CCDC170: variants seen among roughly 807,000 people sequenced by gnomAD.
The protein encoded by CCDC170 is coiled-coil domain-containing protein 170.
A neutral mutation model predicts 72.6 loss-of-function variants in CCDC170; 69 were observed. That is an observed-to-expected ratio of 0.95 (90% CI 0.78 to 1.16). CCDC170 has a LOEUF of 1.16. Among genes scored for constraint, CCDC170 ranks in the 50% most tolerant of loss-of-function variants. The pLI is 0.00. For missense variants in CCDC170, 852 were observed against 832.5 expected, an observed-to-expected ratio of 1.02 and a Z score of -0.29; for synonymous variants, 300 against 303.9, an observed-to-expected ratio of 0.99 and a Z score of 0.13.
intron 6 of CCDC170, among the ~76,000 whole-genome samples, chr6:151,574,206 T>C (rs996598880): frequency 3.3e-5 from 5 of 152,224 alleles, no homozygotes; most frequent in African/African-American, 1.2e-4. Context: ...GAGCAAATCC[T>C]GTCTCTAAAA....
intron 4 of CCDC170, among the ~76,000 whole-genome samples, chr6:151,546,575 C>T (rs1782775010): frequency 6.6e-6 from 1 of 152,124 alleles, no homozygotes; most frequent in African/African-American, 2.4e-5. Flanking sequence ...TCCCCAGCCA[C>T]CTCCTACAAC....
intron 9 of CCDC170, among the ~76,000 whole-genome samples, chr6:151,611,645 T>C (rs998540972): frequency 4.6e-5 from 7 of 152,126 alleles, no homozygotes; most frequent in African/African-American, 1.7e-4. Flanking sequence ...ACACAAACAT[T>C]CAGACTGTAG....
chr6:151,549,388 A>T (rs1278005938), intron 5 of CCDC170, among the ~76,000 whole-genome samples: 1 of 152,188 alleles, frequency 6.6e-6, no homozygotes, highest in Admixed American at 6.5e-5. Context: ...AAATTAAAGA[A>T]TTTGTAGAGA....
intron 5 of CCDC170, among the ~76,000 whole-genome samples, chr6:151,564,630 C>T (rs1030269873): frequency 7.9e-5 from 12 of 152,086 alleles, no homozygotes; most frequent in African/African-American, 2.4e-4. Flanking sequence ...CCAGGCCCTG[C>T]GCCTGCAGGT....
At chr6:151,541,848 TA>T (rs889633704) in intron 3 of CCDC170, among the ~76,000 whole-genome samples, 79 of 143,956 alleles carry the variant, frequency 5.5e-4, no homozygotes, top group Non-Finnish European at 3.6e-4. Context: ...TAAGTATATA[TA>T]AAAAATATAA....
intron 5 of CCDC170, among the ~76,000 whole-genome samples, chr6:151,553,792 A>G (rs1782925450): frequency 6.6e-6 from 1 of 152,162 alleles, no homozygotes. Flanking sequence ...TACTTTATTC[A>G]TAGGATTGTG....
chr6:151,593,166 A>G lies in CCDC170; in HGVS notation c.1353A>G (p.Glu451=). The G allele has an allele frequency of 6.2e-7, 1 of 1,614,204 alleles. No homozygotes were observed. Among genetic ancestry groups the G allele is most frequent in the East Asian group, 2.2e-5 (1 of 44,872 alleles). ...TGAAGTTGGACCAGATGGCTGCCGA[A>G]CTTGGCTTTGACATGCGGCTGGACG... ...QKMKLDQMAA[E]LGFDMRLDVV... The change falls in exon 8 of 11, where the codon GAA becomes GAG. Residue 451 remains glutamate, a synonymous_variant. Transcript: ENST00000239374.
At chr6:151,554,872 G>GA (rs1256155008) in intron 5 of CCDC170, among the ~76,000 whole-genome samples, 1 of 102,320 alleles carries the variant, frequency 9.8e-6, no homozygotes, top group African/African-American at 3.7e-5. Flanking sequence ...TTGGACCTCA[G>GA]TTTTTTTTTT....
At chr6:151,590,118 G>GA (rs1776512514) in intron 7 of CCDC170, among the ~76,000 whole-genome samples, 1 of 151,932 alleles carries the variant, frequency 6.6e-6, no homozygotes, top group Admixed American at 6.6e-5. Context: ...TCTTCCCTAA[G>GA]AGACTTACCT....
intron 1 of CCDC170, among the ~76,000 whole-genome samples, chr6:151,496,618 A>C (rs1231784538): frequency 1.3e-5 from 2 of 152,192 alleles, no homozygotes; most frequent in Non-Finnish European, 2.9e-5. Flanking sequence ...TTCTTTCAAA[A>C]GCTTTGTACT....
chr6:151,535,141 T>A (rs146363808), intron 1 of CCDC170, among the ~76,000 whole-genome samples: 2 of 152,214 alleles, frequency 1.3e-5, no homozygotes, highest in African/African-American at 4.8e-5. Flanking sequence ...ATTTGATTCA[T>A]ATGTGTTTCT....
chr6:151,598,555 ACT>A (rs1478885096), intron 9 of CCDC170, among the ~76,000 whole-genome samples: 1 of 152,108 alleles, frequency 6.6e-6, no homozygotes, highest in African/African-American at 2.4e-5. Flanking sequence ...TGTGGCCTTG[ACT>A]CTGGTGAGAG....
chr6:151,557,408 CAA>C (rs201961628), intron 5 of CCDC170, among the ~76,000 whole-genome samples: 2,863 of 132,122 alleles, frequency 0.022, 88 homozygotes, highest in African/African-American at 0.075. Flanking sequence ...GATTCTGTCT[CAA>C]AAAAAAAAAA....
chr6:151,562,896 G>A (rs1192490999), intron 5 of CCDC170, among the ~76,000 whole-genome samples: 12 of 152,228 alleles, frequency 7.9e-5, no homozygotes, highest in Admixed American at 2.0e-4. Context: ...CTTGCTTTTC[G>A]CCCTGAGCCA....
In CCDC170 at chr6:151,573,490, G is replaced by A. The variant is rs773183796; in HGVS notation, c.1091G>A (p.Arg364Gln). 2.0e-5 allele frequency: 33 copies of A among 1,612,400 alleles called. No individual in the cohort carries two copies. Among genetic ancestry groups the A allele is most frequent in the African/African-American group, 2.7e-5 (2 of 74,886 alleles). The change falls in exon 6 of 11, where the codon CGG becomes CAG. Residue 364 changes from arginine (R) to glutamine (Q), a missense_variant and splice_region_variant. By Grantham distance (43) the Arg-to-Gln change is conservative. Transcript: ENST00000239374. ...EMDSREESRDRMVSQLEAQIS... is the reference protein window; with the variant it reads ...EMDSREESRDQMVSQLEAQIS... ...GACAGCCGGGAAGAAAGCAGGGACC[G>A]GGTGAGTGGGTCATGGCTGTTTACA... is the stretch of plus-strand genomic sequence containing the variant.
rs1285541845 is a variant in CCDC170 at position 151,513,577 on chromosome 6, T to C, written c.57+19392T>C. 2.5e-5 allele frequency among the ~76,000 whole-genome samples: 3 copies of C among 122,316 alleles called. No individual in the cohort carries two copies. In the Admixed American group the frequency reaches 3.4e-4, roughly 14 times the overall value. The allele number at this position is 122,316 out of a possible 152,430, so 80.2% of individuals were successfully genotyped here. On this transcript the variant is annotated intron_variant, in intron 1 of 10. Transcript: ENST00000239374. The stretch of plus-strand genomic sequence containing the variant: ...GTAAGCCGAGATCCCACCACTGCAC[T>C]CCAGCCTGGATGATAGAGTGAGAGA...
intron 1 of CCDC170, among the ~76,000 whole-genome samples, chr6:151,506,615 T>A (rs1421329344): frequency 1.3e-5 from 2 of 152,238 alleles, no homozygotes; most frequent in Non-Finnish European, 2.9e-5. Flanking sequence ...AAGATTTTTG[T>A]AACCTTGTGT....
intron 6 of CCDC170, among the ~76,000 whole-genome samples, chr6:151,577,561 G>A (rs1379796479): frequency 6.6e-6 from 1 of 152,250 alleles, no homozygotes; most frequent in Admixed American, 6.5e-5. Context: ...TTCTGCTTTA[G>A]GTACACCTAA....
intron 1 of CCDC170, among the ~76,000 whole-genome samples, chr6:151,509,369 G>T (rs1018164877): frequency 3.9e-5 from 6 of 151,930 alleles, no homozygotes; most frequent in Admixed American, 6.6e-5. Flanking sequence ...TCCCAAATTT[G>T]CATTCATTAT....
Sources: gnomAD v4.1 joint callset for allele counts (sites outside exome capture counted in the v4.1 genomes callset) on GRCh38, gnomAD v4.1.1 for gene constraint, MANE v1.5 for transcripts, NCBI Gene and HGNC (gene_info 2026-07-23, HGNC 2026-07-21) for gene names.